The following NDUFS7 variants were observed in gnomAD, a reference collection of about 807,000 sequenced individuals.
NDUFS7 encodes NADH:ubiquinone oxidoreductase core subunit S7.
Under a neutral mutation model 31.1 loss-of-function variants are expected in NDUFS7, and 11 were observed. That is an observed-to-expected ratio of 0.35 (90% CI 0.22 to 0.59). The LOEUF (loss-of-function observed/expected upper bound fraction) is 0.59. NDUFS7 is among the 20% of genes least tolerant of loss of function. NDUFS7 has a pLI of 0.79. For missense variants in NDUFS7, 263 were observed against 324.2 expected (o/e 0.81, Z 1.45); for synonymous variants, 136 against 127.9 (o/e 1.06, Z -0.43).
chr19:1,385,656 T>C (rs1195114876), intron 1 of NDUFS7, among the ~76,000 whole-genome samples: 1 of 151,928 alleles, frequency 6.6e-6, no homozygotes, highest in Non-Finnish European at 1.5e-5. Context: ...CTGTCTCTAC[T>C]AAAAAATGCA....
Position 1,383,910 on chromosome 19 carries a change from T to C in NDUFS7, c.-17T>C, listed in dbSNP as rs745535329. ...AGGAGAACGGACCTCAGAGGTTGTC[T>C]GAAGGCCGAGGCCAAGATGGCGGTG... On this transcript the variant is annotated 5_prime_UTR_variant, in exon 1 of 8. Transcript: ENST00000233627. 4.4e-6 allele frequency: 7 copies of C among 1,580,786 alleles called. No individual in the cohort carries two copies. Among genetic ancestry groups the C allele is most frequent in the Non-Finnish European group, 2.6e-6 (3 of 1,164,458 alleles).
chr19:1,388,822 C>A lies in NDUFS7; in HGVS notation c.123-11C>A. The stretch of plus-strand genomic sequence containing the variant: ...GCTGACGCCTCCTGTGCCCGTGTGT[C>A]TCTGTGCCAGCACCCAGCCTGCCCT... On this transcript the variant is annotated splice_polypyrimidine_tract_variant and intron_variant, in intron 3 of 7. Transcript: ENST00000233627. The A allele has an allele frequency of 6.3e-7, 1 of 1,584,784 alleles. No individual in the cohort carries two copies. Among genetic ancestry groups the A allele is most frequent in the Non-Finnish European group, 8.6e-7 (1 of 1,166,308 alleles).
At chr19:1,386,123 G>A (rs1171405216) in intron 1 of NDUFS7, among the ~76,000 whole-genome samples, 3 of 152,218 alleles carry the variant, frequency 2.0e-5, no homozygotes, top group African/African-American at 7.2e-5. Flanking sequence ...AGGCTGGGGT[G>A]AGGGAGGGGC....
At position 1,394,257 on chromosome 19, in the gene NDUFS7, G is replaced by A. The variant is rs188216407; in HGVS notation, c.544+927G>A. 1.9e-4 allele frequency: 147 copies of A among 794,504 alleles called. 2 individuals are homozygous for A. The East Asian group carries it at 9.1e-3, about 49-fold the overall frequency. 49.2% of individuals were successfully genotyped at this position (794,504 alleles called of 1,614,324 possible). A position where few individuals can be genotyped will look rare whatever the true frequency, so the allele number is the denominator to read the frequency against. On this transcript the variant is annotated intron_variant, in intron 7 of 7. Transcript: ENST00000233627. ...CGTTCTGCACGGTTCAGGTCACCCC[G>A]GGGGCAGTGGAGAGGGCAGCCTGGG...
intron 4 of NDUFS7, 82 bp downstream of exon 4, chr19:1,389,020 G>A (rs1263115040): frequency 2.7e-6 from 3 of 1,128,820 alleles, no homozygotes; most frequent in East Asian, 2.6e-5. Flanking sequence ...ACACACCAAC[G>A]TGCAGACACG....
chr19:1,394,396 C>T lies in NDUFS7; in HGVS notation c.545-995C>T, dbSNP rs1293216914. On this transcript the variant is annotated intron_variant, in intron 7 of 7. Coordinates refer to ENST00000233627, the MANE Select transcript of NDUFS7 (RefSeq NM_024407.5). The stretch of plus-strand genomic sequence containing the variant: ...CAATGGGGCAAGTTGCGAGTGTGGA[C>T]TGTACTCCTCCCTCCTTGCAGACTG... The T allele has an allele frequency of 7.8e-6, 10 of 1,289,302 alleles. No individual in the cohort carries two copies. The South Asian group carries it at 1.1e-4, about 14-fold the overall frequency. The allele number at this position is 1,289,302 out of a possible 1,614,324, so 79.9% of individuals were successfully genotyped here. A position where few individuals can be genotyped will look rare whatever the true frequency, so the allele number is the denominator to read the frequency against.
intron 2 of NDUFS7, chr19:1,388,056 C>T: frequency 1.5e-6 from 1 of 648,712 alleles, no homozygotes; most frequent in Non-Finnish European, 2.8e-6. Flanking sequence ...GCTGGACAGT[C>T]AGGAGGAAAA....
At chr19:1,388,961 C>A in intron 4 of NDUFS7, 23 bp downstream of exon 4, 1 of 1,573,320 alleles carries the variant, frequency 6.4e-7, no homozygotes, top group Non-Finnish European at 8.7e-7. Context: ...AGCTGTAGGC[C>A]CTCCTCGAGC....
intron 1 of NDUFS7, among the ~76,000 whole-genome samples, chr19:1,385,320 G>C (rs187772226): frequency 6.6e-6 from 1 of 152,124 alleles, no homozygotes; most frequent in Admixed American, 6.5e-5. Flanking sequence ...TTCGAGACCA[G>C]CCTGGCCAAC....
At chr19:1,387,248 C>T (rs533184529) in intron 1 of NDUFS7, 8 of 170,882 alleles carry the variant, frequency 4.7e-5, no homozygotes, top group African/African-American at 1.9e-4. Flanking sequence ...GCTTGTCAGG[C>T]ACAGCTGAGG....
At chr19:1,389,957 G>A in intron 4 of NDUFS7, 1 of 190,406 alleles carries the variant, frequency 5.3e-6, no homozygotes, top group South Asian at 9.1e-5. Flanking sequence ...AGGCTGGAGT[G>A]CAGTGGTGCG....
chr19:1,387,900 G>A, intron 2 of NDUFS7, 53 bp downstream of exon 2: 2 of 622,738 alleles, frequency 3.2e-6, no homozygotes, highest in Non-Finnish European at 5.4e-6. Flanking sequence ...AGCAGCGACA[G>A]ACGAACGGGG....
At chr19:1,390,796 T>G in intron 4 of NDUFS7, 75 bp from the exon 5 acceptor site, 4 of 1,515,982 alleles carry the variant, frequency 2.6e-6, no homozygotes, top group Non-Finnish European at 3.6e-6. Flanking sequence ...GGGTTCTGGG[T>G]GCTCCACGTG....
At chr19:1,384,281 G>A (rs2082493510) in intron 1 of NDUFS7, 2 of 382,330 alleles carry the variant, frequency 5.2e-6, no homozygotes, top group African/African-American at 2.2e-5. Flanking sequence ...CCTGGAGAGA[G>A]CGGGGCCTGC....
chr19:1,388,980 C>T, intron 4 of NDUFS7, 42 bp downstream of exon 4: 1 of 1,508,260 alleles, frequency 6.6e-7, no homozygotes, highest in Non-Finnish European at 9.1e-7. Flanking sequence ...GCGCCAGGGC[C>T]TCTCTGCACA....
At chr19:1,388,790 C>A (rs778337126) in intron 3 of NDUFS7, 43 bp from the exon 4 acceptor site, 1 of 1,548,974 alleles carries the variant, frequency 6.5e-7, no homozygotes, top group Non-Finnish European at 8.7e-7. Context: ...TGGGAAGCAC[C>A]TGCGTGGCTG....
intron 7 of NDUFS7, chr19:1,394,232 C>A: frequency 3.9e-6 from 2 of 513,622 alleles, no homozygotes; most frequent in Non-Finnish European, 6.3e-6. Context: ...ATTTGTTCAG[C>A]GTTCTGCACG....
At position 1,387,284 on chromosome 19, in the gene NDUFS7, G is replaced by A. The variant is rs73920447; in HGVS notation, c.17-527G>A. 5.9e-3 allele frequency: 1,049 copies of A among 177,860 alleles called. 11 individuals are homozygous for A. The highest frequency in any genetic ancestry group is 0.023 in the African/African-American group (970 of 42,222). The allele number at this position is 177,860 out of a possible 1,614,324, so 11.0% of individuals were successfully genotyped here. A position where few individuals can be genotyped will look rare whatever the true frequency, so the allele number is the denominator to read the frequency against. ...CCAGGACGAGCACTGGGTGCCCAGG[G>A]AGGCCCCAGCATTGCTGGAGTGGCA... is the stretch of plus-strand genomic sequence containing the variant. On this transcript the variant is annotated intron_variant, in intron 1 of 7. Transcript: ENST00000233627.
intron 7 of NDUFS7, chr19:1,395,099 C>CAGGGAGAT: frequency 1.5e-6 from 2 of 1,318,324 alleles, no homozygotes; most frequent in East Asian, 3.3e-5. Context: ...GGGCTGGGGC[C>CAGGGAGAT]GGGGGCCGGG....
Sources: allele counts gnomAD v4.1 joint callset (sites outside exome capture counted in the v4.1 genomes callset), GRCh38; gene constraint gnomAD v4.1.1; transcripts MANE v1.5; gene names NCBI Gene and HGNC (gene_info 2026-07-23, HGNC 2026-07-21).